GOLGA7B: variants seen among roughly 807,000 people sequenced by gnomAD.
The protein encoded by GOLGA7B is golgin A7 family member B, also known as golgin subfamily A member 7B.
Under a neutral mutation model 21.5 loss-of-function variants are expected in GOLGA7B, and 17 were observed. That is an observed-to-expected ratio of 0.79 (90% CI 0.54 to 1.19). The LOEUF (loss-of-function observed/expected upper bound fraction) is 1.19, where lower values mean the gene tolerates loss of function less well. Among genes scored for constraint, GOLGA7B ranks in the 50% most tolerant of loss-of-function variants. The pLI is 0.00. For synonymous variants in GOLGA7B, 87 were observed against 84.0 expected (o/e 1.04, Z -0.19); for missense variants, 169 against 224.4 (o/e 0.75, Z 1.58).
intron 1 of GOLGA7B, among the ~76,000 whole-genome samples, chr10:97,852,851 G>T (rs533365815): frequency 6.6e-6 from 1 of 152,190 alleles, no homozygotes; most frequent in African/African-American, 2.4e-5. Flanking sequence ...AGGAGGGATG[G>T]AGCCTCCTGA....
In GOLGA7B at chr10:97,864,016, C is replaced by G; in HGVS notation, c.225C>G (p.Leu75=). ...EAEKIGGSSY[L]EGCLACATAY... Reference sequence around the variant, plus strand: ...AGAAGATTGGGGGCAGCTCCTACCTCGAGGGCTGCCTGGCCTGCGCCACGG... The same window carrying G: ...AGAAGATTGGGGGCAGCTCCTACCTGGAGGGCTGCCTGGCCTGCGCCACGG... Residue 75 remains leucine, a synonymous_variant, in exon 3 of 5, where the codon CTC becomes CTG. Coordinates refer to ENST00000370602, the MANE Select transcript of GOLGA7B (RefSeq NM_001010917.3). 6.2e-7 allele frequency: 1 copy of G among 1,614,120 alleles called. No individual in the cohort carries two copies.
At chr10:97,860,865 G>C (rs1467310282) in intron 2 of GOLGA7B, among the ~76,000 whole-genome samples, 2 of 152,214 alleles carry the variant, frequency 1.3e-5, no homozygotes, top group Non-Finnish European at 2.9e-5. Context: ...GGGCAGGGCA[G>C]TGGTGATCTT....
intron 4 of GOLGA7B, 88 bp from the exon 5 acceptor site, chr10:97,865,502 C>T: frequency 6.4e-7 from 1 of 1,562,310 alleles, no homozygotes; most frequent in Non-Finnish European, 8.7e-7. Flanking sequence ...CCCACTTTCC[C>T]ACTCCCCTGC....
At chr10:97,865,488 C>G in intron 4 of GOLGA7B, 102 bp from the exon 5 acceptor site, 1 of 1,553,960 alleles carries the variant, frequency 6.4e-7, no homozygotes, top group African/African-American at 1.3e-5. Context: ...GGCAGCAGCA[C>G]AAGCCCACTT....
In GOLGA7B at chr10:97,860,004, GAGCTTAAAAA is replaced by G. The variant is rs2049960450; in HGVS notation, c.138+423_138+432del. On this transcript the variant is annotated intron_variant, in intron 2 of 4. Transcript: ENST00000370602. ...TGGCTGTACATTAGAGGTTCCTGGG[GAGCTTAAAAA>G]ATCCTGATGCTCAGACTGCAGCCCA... Among the ~76,000 whole-genome samples the G allele has an allele frequency of 2.6e-5, 4 of 152,300 alleles. No individual in the cohort carries two copies. In the South Asian group the frequency reaches 8.3e-4, roughly 32 times the overall value.
In GOLGA7B at chr10:97,865,704, G is replaced by T; in HGVS notation, c.*4G>T. 1 of 1,603,304 alleles carries T rather than the reference G, an allele frequency of 6.2e-7. No homozygotes were observed. Among genetic ancestry groups the T allele is most frequent in the Non-Finnish European group, 8.5e-7 (1 of 1,175,250 alleles). On this transcript the variant is annotated 3_prime_UTR_variant, in exon 5 of 5. Coordinates refer to ENST00000370602, the MANE Select transcript of GOLGA7B (RefSeq NM_001010917.3). ...TGGTGGGGCGGGGGCCCGGTGACTG[G>T]CCGAGAGTCCCTGTAGGGAGGTGTA...
intron 1 of GOLGA7B, among the ~76,000 whole-genome samples, 160 bp from the exon 2 acceptor site, chr10:97,859,298 G>C (rs1309306519): frequency 2.6e-5 from 4 of 152,216 alleles, no homozygotes; most frequent in African/African-American, 9.7e-5. Flanking sequence ...TGCCTCCCTT[G>C]GCCTCTTGGA....
At chr10:97,859,668 A>G in intron 2 of GOLGA7B, 85 bp downstream of exon 2, 1 of 1,405,658 alleles carries the variant, frequency 7.1e-7, no homozygotes, top group South Asian at 1.3e-5. Context: ...CCAGGATCCT[A>G]TGACACATAA....
At chr10:97,861,890 A>G (rs868140689) in intron 2 of GOLGA7B, among the ~76,000 whole-genome samples, 4 of 152,334 alleles carry the variant, frequency 2.6e-5, no homozygotes, top group African/African-American at 7.2e-5. Flanking sequence ...GATTTTCTCT[A>G]TGAGTTCTCC....
rs768728042 is a variant in GOLGA7B, at chr10:97,859,582, G to T, written c.137G>T (p.Arg46Leu). ...AAATTCCCCCCAGAGCTGGACAGCC[G>T]GGTAAGGATGCCTTTTTCTGCACTT... Reference protein sequence around the residue: ...QTKFPPELDSRIERQLFEETV... With the variant: ...QTKFPPELDSLIERQLFEETV... Residue 46 changes from arginine to leucine, a missense_variant and splice_region_variant, in exon 2 of 5, where the codon CGG becomes CTG. Arg to Leu is a moderately radical substitution (Grantham distance 102). Coordinates refer to ENST00000370602, the MANE Select transcript of GOLGA7B (RefSeq NM_001010917.3). 1.2e-5 allele frequency: 19 copies of T among 1,613,480 alleles called. No individual in the cohort carries two copies. Among genetic ancestry groups the T allele is most frequent in the Non-Finnish European group, 1.5e-5 (18 of 1,179,700 alleles).
At chr10:97,862,145 A>C (rs2049975371) in intron 2 of GOLGA7B, among the ~76,000 whole-genome samples, 1 of 152,228 alleles carries the variant, frequency 6.6e-6, no homozygotes, top group Non-Finnish European at 1.5e-5. Context: ...CACAGACTGG[A>C]GTCAGAGCTG....
rs375513503 is a variant in GOLGA7B, at chr10:97,865,607, C to G, written c.411C>G (p.Tyr137Ter). The G allele has an allele frequency of 6.2e-7, 1 of 1,613,606 alleles. No individual in the cohort carries two copies. Among genetic ancestry groups the G allele is most frequent in the Non-Finnish European group, 8.5e-7 (1 of 1,179,624 alleles). The part of the protein sequence containing the change: ...RGMRVIEISI[Y>*]EDRCSSGSSS... ...GACCCCAGATTGAGATCTCCATCTA[C>G]GAGGACCGGTGCAGCAGTGGCAGCT... Residue 137 changes from tyrosine (Y) to a stop codon, truncating the protein, a stop_gained, in exon 5 of 5, where the codon TAC becomes TAG. Coordinates refer to ENST00000370602, the MANE Select transcript of GOLGA7B (RefSeq NM_001010917.3). LOFTEE classifies it high-confidence loss of function.
intron 2 of GOLGA7B, among the ~76,000 whole-genome samples, chr10:97,862,228 G>A (rs2049975899): frequency 6.6e-6 from 1 of 152,112 alleles, no homozygotes; most frequent in Non-Finnish European, 1.5e-5. Context: ...AGATATAGGA[G>A]TAAACTCATG....
rs2049958263 is a variant in GOLGA7B, at chr10:97,859,571, G to C, written c.126G>C (p.Glu42Asp). Reference sequence around the variant, plus strand: ...AGTTCCAGACCAAATTCCCCCCAGAGCTGGACAGCCGGGTAAGGATGCCTT... The same window carrying C: ...AGTTCCAGACCAAATTCCCCCCAGACCTGGACAGCCGGGTAAGGATGCCTT... ...ICQFQTKFPP[E>D]LDSRIERQLF... The change falls in exon 2 of 5, where the codon GAG (glutamate) becomes GAC (aspartate). Residue 42 changes from glutamate to aspartate, a missense_variant. Glu to Asp is a conservative substitution (Grantham distance 45). Transcript: ENST00000370602. The C allele has an allele frequency of 6.2e-7, 1 of 1,614,002 alleles. No homozygotes were observed. The highest frequency in any genetic ancestry group is 8.5e-7 in the Non-Finnish European group (1 of 1,179,994).
At chr10:97,857,497 C>A (rs2049943721) in intron 1 of GOLGA7B, among the ~76,000 whole-genome samples, 1 of 151,772 alleles carries the variant, frequency 6.6e-6, no homozygotes, top group South Asian at 2.1e-4. Flanking sequence ...GAAAGACATC[C>A]CATGCTAAAG....
At chr10:97,855,880 A>C (rs2049932119) in intron 1 of GOLGA7B, among the ~76,000 whole-genome samples, 1 of 152,218 alleles carries the variant, frequency 6.6e-6, no homozygotes, top group South Asian at 2.1e-4. Context: ...GAGGGCTTAT[A>C]CATTATTTAA....
At position 97,864,094 on chromosome 10, in the gene GOLGA7B, C is replaced by T. The variant is rs754047484; in HGVS notation, c.291+12C>T. The T allele has an allele frequency of 3.6e-5, 58 of 1,613,776 alleles. No homozygotes were observed. Among genetic ancestry groups the T allele is most frequent in the Non-Finnish European group, 3.2e-5 (38 of 1,179,796 alleles). The stretch of plus-strand genomic sequence containing the variant: ...CCCACTATGAGAAGGTGGCCCCTCC[C>T]GCCCCACCGTGCATCCCTTCCCTCA... On this transcript the variant is annotated intron_variant, in intron 3 of 4. Transcript: ENST00000370602.
intron 1 of GOLGA7B, among the ~76,000 whole-genome samples, chr10:97,852,963 TA>T (rs1564864071): frequency 6.6e-6 from 1 of 152,060 alleles, no homozygotes; most frequent in African/African-American, 2.4e-5. Context: ...CCCTGGGAAA[TA>T]GTCCAGATGG....
intron 1 of GOLGA7B, among the ~76,000 whole-genome samples, chr10:97,852,721 G>A (rs1019178726): frequency 6.6e-6 from 1 of 151,746 alleles, no homozygotes; most frequent in African/African-American, 2.4e-5. Flanking sequence ...TGGGGAGAGG[G>A]ACAGAGAGGG....
Sources: allele counts gnomAD v4.1 joint callset (sites outside exome capture counted in the v4.1 genomes callset), GRCh38; gene constraint gnomAD v4.1.1; transcripts MANE v1.5; gene names NCBI Gene and HGNC (gene_info 2026-07-23, HGNC 2026-07-21).